Variants in CATSPERE observed in about 807,000 individuals in gnomAD.
The protein encoded by CATSPERE is catsper channel auxiliary subunit epsilon, also known as cation channel sperm-associated auxiliary subunit epsilon.
A neutral mutation model predicts 114.1 loss-of-function variants in CATSPERE; 93 were observed. The observed-to-expected ratio is 0.81, with a 90% confidence interval of 0.69 to 0.97. CATSPERE has a LOEUF of 0.97. Ranked by LOEUF, CATSPERE falls within the 50% of genes least tolerant of loss-of-function variation. The pLI is 0.00. For missense variants in CATSPERE, 1,058 were observed against 1,131.6 expected (o/e 0.93, Z 0.93); for synonymous variants, 341 against 384.1 (o/e 0.89, Z 1.31).
intron 5 of CATSPERE, among the ~76,000 whole-genome samples, chr1:244,483,531 C>T (rs779432866): frequency 3.9e-5 from 6 of 152,180 alleles, no homozygotes; most frequent in South Asian, 2.1e-4. Context: ...CTACTAGGTA[C>T]GAAATTATGT....
intron 20 of CATSPERE, among the ~76,000 whole-genome samples, chr1:244,622,813 C>T (rs759513706): frequency 6.6e-6 from 1 of 152,106 alleles, no homozygotes; most frequent in Non-Finnish European, 1.5e-5. Flanking sequence ...AAGAGAATTC[C>T]CCAACCTCAC....
upstream of CATSPERE, chr1:244,452,134 T>A (rs916590922): frequency 2.2e-5 from 5 of 225,566 alleles, no homozygotes; most frequent in Non-Finnish European, 4.3e-5. Flanking sequence ...GCCACTCCCG[T>A]GCAAACCTCG....
At chr1:244,535,618 G>C (rs1338896552) in intron 8 of CATSPERE, among the ~76,000 whole-genome samples, 1 of 152,142 alleles carries the variant, frequency 6.6e-6, no homozygotes, top group Non-Finnish European at 1.5e-5. Flanking sequence ...GTCAGCTTGT[G>C]GTGAATGCTG....
intron 8 of CATSPERE, among the ~76,000 whole-genome samples, chr1:244,550,352 G>A (rs1660410935): frequency 1.3e-5 from 2 of 152,098 alleles, no homozygotes; most frequent in Non-Finnish European, 2.9e-5. Context: ...ATATATACTA[G>A]GATGCTATAC....
At position 244,518,656 on chromosome 1, in the gene CATSPERE, TGAAGA is replaced by T. The variant is rs760243738; in HGVS notation, c.498_502del (p.Arg167SerfsTer6). The T allele has an allele frequency of 1.3e-6, 2 of 1,589,160 alleles. No individual in the cohort carries two copies. Among genetic ancestry groups the T allele is most frequent in the East Asian group, 4.5e-5 (2 of 44,224 alleles). On this transcript the variant is annotated frameshift_variant, in exon 8 of 22. Transcript: ENST00000366534. LOFTEE classifies it high-confidence loss of function. ...CAGAAGCCTGTCATACATACAGTTC[TGAAGA>T]GAAAAGTTTATTCTTCAAATGAGAA... is the stretch of plus-strand genomic sequence containing the variant.
intron 5 of CATSPERE, among the ~76,000 whole-genome samples, chr1:244,482,857 TTC>T: frequency 6.6e-6 from 1 of 152,350 alleles, no homozygotes; most frequent in African/African-American, 2.4e-5. Context: ...CCTTGCTTTT[TTC>T]TTTTAGTTTA....
chr1:244,574,370 T>A (rs1249496704), intron 11 of CATSPERE, among the ~76,000 whole-genome samples: 2 of 152,184 alleles, frequency 1.3e-5, no homozygotes, highest in Admixed American at 1.3e-4. Context: ...AGCAAAGAGT[T>A]ATTAGCACAA....
At chr1:244,606,036 C>CT (rs1669950247) in intron 18 of CATSPERE, among the ~76,000 whole-genome samples, 1 of 152,174 alleles carries the variant, frequency 6.6e-6, no homozygotes, top group South Asian at 2.1e-4. Context: ...TGATGCAACT[C>CT]TATGAGTCTT....
intron 8 of CATSPERE, among the ~76,000 whole-genome samples, chr1:244,545,315 T>C (rs1049633928): frequency 1.3e-5 from 2 of 152,194 alleles, no homozygotes; most frequent in Non-Finnish European, 2.9e-5. Context: ...ATGGGCCTCT[T>C]TGGATTTTGG....
intron 2 of CATSPERE, among the ~76,000 whole-genome samples, chr1:244,470,455 A>G (rs1396142912): frequency 6.6e-6 from 1 of 152,358 alleles, no homozygotes; most frequent in Non-Finnish European, 1.5e-5. Context: ...AATCAAAACC[A>G]TAATAAGATA....
intron 20 of CATSPERE, among the ~76,000 whole-genome samples, chr1:244,625,430 A>ATTTTTTTTT (rs1476267922): frequency 1.4e-3 from 6 of 4,340 alleles, no homozygotes; most frequent in Non-Finnish European, 1.5e-3. Context: ...ATATATATAT[A>ATTTTTTTTT]TATTTTTTTT....
intron 11 of CATSPERE, among the ~76,000 whole-genome samples, chr1:244,578,162 G>A (rs1665575115): frequency 6.6e-6 from 1 of 152,040 alleles, no homozygotes; most frequent in Admixed American, 6.6e-5. Context: ...TGGTTTGTTG[G>A]TTTGTTTTGA....
At chr1:244,551,176 G>T (rs557094771) in intron 8 of CATSPERE, among the ~76,000 whole-genome samples, 14 of 152,214 alleles carry the variant, frequency 9.2e-5, no homozygotes, top group Non-Finnish European at 1.8e-4. Context: ...GATATTCAGG[G>T]TCTCAAAAAA....
chr1:244,611,465 C>T (rs934654504), intron 19 of CATSPERE, among the ~76,000 whole-genome samples: 5 of 151,746 alleles, frequency 3.3e-5, no homozygotes, highest in African/African-American at 1.2e-4. Context: ...CCTGGTGGTG[C>T]ATGCCTGTAG....
chr1:244,495,958 A>C (rs373091319), intron 6 of CATSPERE, among the ~76,000 whole-genome samples: 5 of 152,354 alleles, frequency 3.3e-5, no homozygotes, highest in Admixed American at 6.5e-5. Context: ...GCAGTCAAAC[A>C]CATAGCGCCC....
intron 20 of CATSPERE, among the ~76,000 whole-genome samples, chr1:244,620,972 C>A (rs1359961998): frequency 7.2e-6 from 1 of 139,632 alleles, no homozygotes; most frequent in Non-Finnish European, 1.5e-5. Context: ...GGCAAGGATA[C>A]ATGCCTGAAT....
rs554029800 is a variant in CATSPERE at position 244,588,000 on chromosome 1, G to T, written c.2086-482G>T. ...ACATGAGGTCAGGAATTTGAGACCA[G>T]CCTGACCAACATGGTGAAACCCTGT... On this transcript the variant is annotated intron_variant, in intron 13 of 21. Transcript: ENST00000366534. 2.0e-5 allele frequency among the ~76,000 whole-genome samples: 3 copies of T among 152,188 alleles called. No homozygotes were observed. The South Asian group carries it at 6.2e-4, about 32-fold the overall frequency.
chr1:244,451,912 A>G, upstream of CATSPERE: 3 of 1,295,718 alleles, frequency 2.3e-6, no homozygotes, highest in Non-Finnish European at 3.0e-6. This position sits in a 1 kb window ranked among gnomAD's most constrained non-coding sequence, Gnocchi z 6.6. Flanking sequence ...ATGCAGAGGA[A>G]GAAGGAGCCA....
chr1:244,525,493 A>G (rs1678428742), intron 8 of CATSPERE, among the ~76,000 whole-genome samples: 1 of 146,688 alleles, frequency 6.8e-6, no homozygotes, highest in Non-Finnish European at 1.5e-5. Context: ...GTATAATAAT[A>G]ATAAATAAAA....
Sources: gnomAD v4.1 joint callset for allele counts (sites outside exome capture counted in the v4.1 genomes callset) on GRCh38, gnomAD v4.1.1 for gene constraint, Gnocchi (gnomAD v3.1) non-coding constraint, MANE v1.5 for transcripts, NCBI Gene and HGNC (gene_info 2026-07-23, HGNC 2026-07-21) for gene names.